SCG5: variants seen among roughly 807,000 people sequenced by gnomAD.
The protein encoded by SCG5 is secretogranin V, also known as neuroendocrine protein 7B2.
A neutral mutation model predicts 25.7 loss-of-function variants in SCG5; 18 were observed. The ratio of observed to expected loss-of-function variants is 0.70; its 90% CI spans 0.48 to 1.04. The LOEUF is 1.04. SCG5 is among the 50% of genes least tolerant of loss of function. The probability of loss-of-function intolerance (pLI) is 0.00; values close to 1 mark genes in which losing one functional copy is unlikely to be tolerated. For synonymous variants in SCG5, 101 were observed against 91.7 expected, an observed-to-expected ratio of 1.10 and a Z score of -0.58; for missense variants, 206 against 259.8, an observed-to-expected ratio of 0.79 and a Z score of 1.42.
At position 32,679,922 on chromosome 15, in the gene SCG5, G is replaced by C. The variant is rs1251730567; in HGVS notation, c.376+7G>C. On this transcript the variant is annotated splice_region_variant and intron_variant, in intron 3 of 5. Coordinates refer to ENST00000300175, the MANE Select transcript of SCG5 (RefSeq NM_001144757.3). ...TGTCCTGTTGGAAAAACAGGTAACA[G>C]ATATGCCTTTGGGTTCCCATGAAAA... is the stretch of plus-strand genomic sequence containing the variant. 3 of 1,600,452 alleles carry C rather than the reference G, an allele frequency of 1.9e-6. No homozygotes were observed. Among genetic ancestry groups the C allele is most frequent in the Non-Finnish European group, 2.6e-6 (3 of 1,172,840 alleles).
intron 4 of SCG5, among the ~76,000 whole-genome samples, chr15:32,684,941 G>A (rs1402703225): frequency 6.6e-6 from 1 of 152,134 alleles, no homozygotes; most frequent in Admixed American, 6.5e-5. Context: ...TTCACAGCCT[G>A]TGTCATACAC....
intron 2 of SCG5, among the ~76,000 whole-genome samples, chr15:32,647,989 A>T (rs34954129): frequency 0.23 from 35,099 of 151,578 alleles, 4,309 homozygotes; most frequent in Admixed American, 0.28. Flanking sequence ...TTGGCTGGTG[A>T]CTCCGGTGTT....
chr15:32,663,011 T>G (rs2054246869), intron 2 of SCG5, among the ~76,000 whole-genome samples: 1 of 127,990 alleles, frequency 7.8e-6, no homozygotes, highest in Non-Finnish European at 1.6e-5. Context: ...GAAGAGAAGA[T>G]TAGGGCTGTT....
chr15:32,689,385 T>G (rs1329693440), intron 4 of SCG5, among the ~76,000 whole-genome samples: 3 of 152,172 alleles, frequency 2.0e-5, no homozygotes, highest in Admixed American at 6.5e-5. Context: ...TTTTCTGACC[T>G]AATTAGCTAT....
chr15:32,673,361 A>G (rs1595808655), intron 2 of SCG5, among the ~76,000 whole-genome samples: 1 of 152,086 alleles, frequency 6.6e-6, no homozygotes, highest in South Asian at 2.1e-4. Flanking sequence ...ATCTCATTTT[A>G]TATATAATTT....
intron 2 of SCG5, among the ~76,000 whole-genome samples, chr15:32,670,403 T>A (rs1475815817): frequency 6.6e-6 from 1 of 152,228 alleles, no homozygotes; most frequent in Admixed American, 6.5e-5. Flanking sequence ...GTCAATGAAT[T>A]AGCCAATTCA....
At chr15:32,642,436 T>C (rs2053879788) in intron 1 of SCG5, among the ~76,000 whole-genome samples, 1 of 151,492 alleles carries the variant, frequency 6.6e-6, no homozygotes, top group African/African-American at 2.4e-5. Flanking sequence ...GGTTTGGTTG[T>C]GGGCGCCTGT....
chr15:32,674,228 T>A (rs2140558737), intron 2 of SCG5, among the ~76,000 whole-genome samples: 1 of 152,342 alleles, frequency 6.6e-6, no homozygotes, highest in South Asian at 2.1e-4. Flanking sequence ...CTTAAACCGA[T>A]GCTTCAGTGA....
chr15:32,692,551 C>T (rs1196825888), intron 5 of SCG5, among the ~76,000 whole-genome samples: 19 of 152,210 alleles, frequency 1.2e-4, no homozygotes, highest in Non-Finnish European at 4.4e-5. Context: ...GGCCTGGCCA[C>T]CTACCTCCTT....
chr15:32,681,661 G>A (rs2054623624), intron 3 of SCG5, among the ~76,000 whole-genome samples: 1 of 151,568 alleles, frequency 6.6e-6, no homozygotes, highest in Non-Finnish European at 1.5e-5. Context: ...TGTTGCCCAG[G>A]CTAAACTCAA....
intron 4 of SCG5, among the ~76,000 whole-genome samples, chr15:32,690,004 G>C (rs977428013): frequency 6.6e-6 from 1 of 152,112 alleles, no homozygotes; most frequent in South Asian, 2.1e-4. Flanking sequence ...ACCACGCCCG[G>C]CTAATTTTTT....
chr15:32,693,327 T>C (rs2054895792), intron 5 of SCG5, among the ~76,000 whole-genome samples: 1 of 152,342 alleles, frequency 6.6e-6, no homozygotes, highest in Middle Eastern at 3.4e-3. Context: ...ACACATGCTA[T>C]AAAGGATTTT....
intron 2 of SCG5, 85 bp downstream of exon 2, chr15:32,643,903 T>A: frequency 8.9e-7 from 1 of 1,128,232 alleles, no homozygotes; most frequent in Non-Finnish European, 1.3e-6. Context: ...ACCTTATAAG[T>A]AGATGCCTTT....
In SCG5 at chr15:32,654,745, G is replaced by A. The variant is rs1401319639; in HGVS notation, c.226+10927G>A. Among the ~76,000 whole-genome samples, 9 of 152,028 alleles carry A rather than the reference G, an allele frequency of 5.9e-5. No homozygotes were observed. The South Asian group carries it at 1.0e-3, about 18-fold the overall frequency. On this transcript the variant is annotated intron_variant, in intron 2 of 5. Coordinates refer to ENST00000300175, the MANE Select transcript of SCG5 (RefSeq NM_001144757.3). ...CAAATGCGCACACAGTATCTGCCTC[G>A]CTTTTTGTGTCTGTAGTGCCTAGAC...
At chr15:32,678,008 G>A (rs961542679) in intron 2 of SCG5, among the ~76,000 whole-genome samples, 6 of 152,304 alleles carry the variant, frequency 3.9e-5, no homozygotes, top group African/African-American at 1.4e-4. Flanking sequence ...GGAAAGGACA[G>A]AATTATTTAG....
At chr15:32,684,361 C>G (rs2054667706) in intron 3 of SCG5, 196 bp from the exon 4 acceptor site, 1 of 561,980 alleles carries the variant, frequency 1.8e-6, no homozygotes. Context: ...CAGTGAGTCT[C>G]TGCACAGGAG....
chr15:32,661,979 C>G (rs554039909), intron 2 of SCG5, among the ~76,000 whole-genome samples: 1 of 152,214 alleles, frequency 6.6e-6, no homozygotes, highest in Non-Finnish European at 1.5e-5. Flanking sequence ...TCTTTTATCT[C>G]TTTTTATACT....
At position 32,663,077 on chromosome 15, in the gene SCG5, AT is replaced by A. The variant is rs1567076537; in HGVS notation, c.227-16688del. On this transcript the variant is annotated intron_variant, in intron 2 of 5. Transcript: ENST00000300175. The stretch of plus-strand genomic sequence containing the variant: ...TATATATATATATATATATATATAT[AT>A]AATATATAATATGTTATATATACAC... 4.3e-3 allele frequency among the ~76,000 whole-genome samples: 249 copies of A among 57,412 alleles called. 6 individuals are homozygous for A. Among genetic ancestry groups the A allele is most frequent in the East Asian group, 0.017 (30 of 1,814 alleles). 37.7% of individuals were successfully genotyped at this position (57,412 alleles called of 152,430 possible). A position where few individuals can be genotyped will look rare whatever the true frequency, so the allele number is the denominator to read the frequency against.
In SCG5 at chr15:32,663,080, A is replaced by ATATATATATAT. The variant is rs2054262648; in HGVS notation, c.227-16680_227-16679insTATATTATATA. Among the ~76,000 whole-genome samples, 2 of 77,726 alleles carry ATATATATATAT rather than the reference A, an allele frequency of 2.6e-5. 1 individual carries two copies. The highest frequency in any genetic ancestry group is 8.9e-5 in the African/African-American group (2 of 22,450). The allele number at this position is 77,726 out of a possible 152,430, so 51.0% of individuals were successfully genotyped here. A position where few individuals can be genotyped will look rare whatever the true frequency, so the allele number is the denominator to read the frequency against. On this transcript the variant is annotated intron_variant, in intron 2 of 5. Transcript: ENST00000300175. Reference sequence around the variant, plus strand: ...ATATATATATATATATATATATATAATATATAATATGTTATATATACACAT... The same window carrying ATATATATATAT: ...ATATATATATATATATATATATATAATATATATATATTATATAATATGTTATATATACACAT...
Sources: allele counts gnomAD v4.1 joint callset (sites outside exome capture counted in the v4.1 genomes callset), GRCh38; gene constraint gnomAD v4.1.1; transcripts MANE v1.5; gene names NCBI Gene and HGNC (gene_info 2026-07-23, HGNC 2026-07-21).